The following GSG1L variants were observed in gnomAD, a reference collection of about 807,000 sequenced individuals.
GSG1L encodes the protein germ cell-specific gene 1-like protein.
A neutral mutation model predicts 42.1 loss-of-function variants in GSG1L; 24 were observed. The ratio of observed to expected loss-of-function variants is 0.57; its 90% confidence interval spans 0.41 to 0.80. GSG1L has a LOEUF of 0.80. Ranked by LOEUF, GSG1L falls within the 30% of genes least tolerant of loss-of-function variation. The pLI, the probability that GSG1L is intolerant of heterozygous loss-of-function variation, is 0.00. For synonymous variants in GSG1L, 215 were observed against 203.5 expected, an observed-to-expected ratio of 1.06 and a Z score of -0.48; for missense variants, 445 against 472.2, an observed-to-expected ratio of 0.94 and a Z score of 0.53.
At chr16:27,947,846 G>C (rs532911175) in intron 2 of GSG1L, among the ~76,000 whole-genome samples, 2 of 152,132 alleles carry the variant, frequency 1.3e-5, no homozygotes, top group Non-Finnish European at 2.9e-5. Flanking sequence ...GGAGCAAGTG[G>C]GACCGGCTCT....
At chr16:27,907,723 T>C (rs2084335965) in intron 2 of GSG1L, among the ~76,000 whole-genome samples, 1 of 152,258 alleles carries the variant, frequency 6.6e-6, no homozygotes, top group Non-Finnish European at 1.5e-5. Flanking sequence ...ATCTGTGACA[T>C]CTGTGTAACA....
At chr16:28,039,092 G>A (rs2086075038) in intron 1 of GSG1L, among the ~76,000 whole-genome samples, 1 of 152,140 alleles carries the variant, frequency 6.6e-6, no homozygotes, top group Non-Finnish European at 1.5e-5. Context: ...AGAATAAGTG[G>A]GTTTCATCTA....
chr16:27,858,235 G>A (rs545456607), intron 3 of GSG1L, among the ~76,000 whole-genome samples: 52 of 152,260 alleles, frequency 3.4e-4, no homozygotes, highest in African/African-American at 1.2e-3. Flanking sequence ...CTTGACAACC[G>A]TCCAGAGAGC....
intron 1 of GSG1L, among the ~76,000 whole-genome samples, chr16:28,002,213 G>T (rs1398925067): frequency 6.6e-6 from 1 of 152,202 alleles, no homozygotes; most frequent in Non-Finnish European, 1.5e-5. Flanking sequence ...AAAACAGGAT[G>T]CTGTGATGGA....
At chr16:28,007,805 C>T (rs759490450) in intron 1 of GSG1L, among the ~76,000 whole-genome samples, 3 of 152,102 alleles carry the variant, frequency 2.0e-5, no homozygotes, top group Non-Finnish European at 2.9e-5. Flanking sequence ...CTTGAGCCAC[C>T]ATGCCCAGCC....
At chr16:27,909,635 CTTTTTTTT>C (rs10709968) in intron 2 of GSG1L, among the ~76,000 whole-genome samples, 18 of 88,274 alleles carry the variant, frequency 2.0e-4, no homozygotes, top group Non-Finnish European at 3.5e-4. Context: ...CTGCACCCAG[CTTTTTTTT>C]TTTTTTTTTT....
intron 2 of GSG1L, among the ~76,000 whole-genome samples, chr16:27,906,578 C>T (rs1291397910): frequency 6.6e-6 from 1 of 152,146 alleles, no homozygotes; most frequent in East Asian, 1.9e-4. Flanking sequence ...GCACCTCCTG[C>T]TCCCCCTGAA....
At chr16:27,791,791 C>T (rs375905328) in intron 6 of GSG1L, among the ~76,000 whole-genome samples, 11 of 152,040 alleles carry the variant, frequency 7.2e-5, no homozygotes, top group African/African-American at 2.2e-4. Flanking sequence ...GCCCAGAACC[C>T]GCTCATGCAC....
intron 1 of GSG1L, among the ~76,000 whole-genome samples, chr16:28,024,864 G>A (rs2085882736): frequency 6.6e-6 from 1 of 152,206 alleles, no homozygotes; most frequent in African/African-American, 2.4e-5. Context: ...GCTGCATCGA[G>A]CCCATCCTCC....
chr16:27,882,086 G>A (rs566942747), intron 3 of GSG1L, among the ~76,000 whole-genome samples: 67 of 152,248 alleles, frequency 4.4e-4, no homozygotes, highest in African/African-American at 1.6e-3. Context: ...GTCATGGGAG[G>A]GACCCAGTGG....
At chr16:28,061,896 G>A (rs2086345814) in intron 1 of GSG1L, among the ~76,000 whole-genome samples, 1 of 152,238 alleles carries the variant, frequency 6.6e-6, no homozygotes, top group Non-Finnish European at 1.5e-5. Context: ...AGAGGATGCA[G>A]CCTGTGCAGA....
At chr16:27,893,544 A>G (rs1596592839) in intron 2 of GSG1L, among the ~76,000 whole-genome samples, 1 of 152,180 alleles carries the variant, frequency 6.6e-6, no homozygotes, top group East Asian at 1.9e-4. Flanking sequence ...ATTTCTTGCT[A>G]ATAAGTGTCA....
chr16:27,911,372 C>A (rs1352343205), intron 2 of GSG1L, among the ~76,000 whole-genome samples: 1 of 151,964 alleles, frequency 6.6e-6, no homozygotes, highest in Non-Finnish European at 1.5e-5. Context: ...TTCACTGCAA[C>A]CTCCGCCTCC....
At chr16:27,821,377 C>T (rs1039578755) in intron 5 of GSG1L, among the ~76,000 whole-genome samples, 3 of 152,044 alleles carry the variant, frequency 2.0e-5, no homozygotes, top group Non-Finnish European at 4.4e-5. Flanking sequence ...CAGTTGATCC[C>T]ATCACCCAAA....
chr16:27,794,390 G>C (rs2082793615), intron 6 of GSG1L, among the ~76,000 whole-genome samples: 1 of 151,960 alleles, frequency 6.6e-6, no homozygotes, highest in Admixed American at 6.6e-5. Flanking sequence ...GAGTGCAGTG[G>C]CGCGATCTCG....
chr16:27,977,645 T>G (rs920499166), intron 1 of GSG1L, among the ~76,000 whole-genome samples: 1 of 151,996 alleles, frequency 6.6e-6, no homozygotes, highest in Non-Finnish European at 1.5e-5. Context: ...CTAAAATCTT[T>G]TTTTAAACAT....
chr16:27,969,192 G>A (rs2085165539), intron 1 of GSG1L, among the ~76,000 whole-genome samples: 1 of 152,166 alleles, frequency 6.6e-6, no homozygotes, highest in African/African-American at 2.4e-5. Context: ...ATATTCACCA[G>A]GCTGTGTGAC....
At chr16:27,983,970 A>G (rs1236266244) in intron 1 of GSG1L, among the ~76,000 whole-genome samples, 1 of 152,212 alleles carries the variant, frequency 6.6e-6, no homozygotes, top group Non-Finnish European at 1.5e-5. Flanking sequence ...AACCCCTGAT[A>G]GAGAAACAAT....
At chr16:28,046,046 C>T (rs2086154611) in intron 1 of GSG1L, among the ~76,000 whole-genome samples, 1 of 152,088 alleles carries the variant, frequency 6.6e-6, no homozygotes, top group Non-Finnish European at 1.5e-5. Flanking sequence ...TTATATATTC[C>T]ATCATGAAAT....
Sources: allele counts gnomAD v4.1 joint callset (sites outside exome capture counted in the v4.1 genomes callset), GRCh38; gene constraint gnomAD v4.1.1; transcripts MANE v1.5; gene names NCBI Gene and HGNC (gene_info 2026-07-23, HGNC 2026-07-21).